FAT2: variants seen among roughly 807,000 people sequenced by gnomAD.
The protein encoded by FAT2 is FAT atypical cadherin 2.
Under a neutral mutation model 295.3 loss-of-function variants are expected in FAT2, and 150 were observed. The ratio of observed to expected loss-of-function variants is 0.51; its 90% confidence interval spans 0.44 to 0.58. FAT2 has a LOEUF of 0.58. Ranked by LOEUF, FAT2 falls within the 20% of genes least tolerant of loss-of-function variation. The pLI, the probability that FAT2 is intolerant of heterozygous loss-of-function variation, is 0.00. For missense variants in FAT2, 4,868 were observed against 5,442.7 expected, an observed-to-expected ratio of 0.89 and a Z score of 3.32; for synonymous variants, 2,026 against 2,150.3, an observed-to-expected ratio of 0.94 and a Z score of 1.60.
intron 1 of FAT2, among the ~76,000 whole-genome samples, chr5:151,581,909 C>T (rs114258823): frequency 0.017 from 2,571 of 152,312 alleles, 45 homozygotes; most frequent in East Asian, 0.05. Context: ...GTTTCATTTC[C>T]AGTCTTCCCT....
intron 9 of FAT2, among the ~76,000 whole-genome samples, chr5:151,548,770 C>G (rs557299305): frequency 6.6e-6 from 1 of 152,268 alleles, no homozygotes; most frequent in East Asian, 1.9e-4. Context: ...CGTGAGCCAC[C>G]GCATCTGGCC....
Position 151,539,696 on chromosome 5 carries a change from A to G in FAT2, c.9039+871T>C, listed in dbSNP as rs146047807. On this transcript the variant is annotated intron_variant, in intron 11 of 23. Transcript: ENST00000261800. ...AAGAATGTAAATCCTCCCAAAGTTA[A>G]AAACTACTTACTGTGTTTTAAAAAA... is the stretch of plus-strand genomic sequence containing the variant. 2.3e-3 allele frequency among the ~76,000 whole-genome samples: 358 copies of G among 152,354 alleles called. 2 individuals carry two copies. The highest frequency in any genetic ancestry group is 8.2e-3 in the African/African-American group (341 of 41,578).
At chr5:151,530,365 G>A (rs1199949819) in intron 14 of FAT2, among the ~76,000 whole-genome samples, 1 of 152,100 alleles carries the variant, frequency 6.6e-6, no homozygotes, top group Non-Finnish European at 1.5e-5. Context: ...ACCTGATCAA[G>A]GCCTTTGATC....
chr5:151,524,584 G>A (rs987652416), intron 18 of FAT2, among the ~76,000 whole-genome samples: 1 of 152,190 alleles, frequency 6.6e-6, no homozygotes, highest in African/African-American at 2.4e-5. Context: ...AGCCTATGGT[G>A]TTCTGTTGTA....
chr5:151,522,227 G>GAAAA, intron 18 of FAT2, 141 bp from the exon 19 acceptor site: 1 of 537,690 alleles, frequency 1.9e-6, no homozygotes, highest in South Asian at 3.6e-5. Flanking sequence ...GTTGCATTTA[G>GAAAA]AAAAAAAAAA....
In FAT2 at chr5:151,566,954, T is replaced by C. The variant is rs1252857832; in HGVS notation, c.1978A>G (p.Lys660Glu). 6.2e-7 allele frequency: 1 copy of C among 1,614,002 alleles called. No individual in the cohort carries two copies. The highest frequency in any genetic ancestry group is 8.5e-7 in the Non-Finnish European group (1 of 1,179,972). ...ACAGGAACTTCAAAATGAGGGTCCTTCACCACAGTAATATTCAAAGTTGTG... is the reference window on the plus strand; with the variant it reads ...ACAGGAACTTCAAAATGAGGGTCCTCCACCACAGTAATATTCAAAGTTGTG... ...SPTTLNITVV[K>E]DPHFEVPVTC... is the part of the protein sequence containing the mutation. Residue 660 changes from lysine to glutamate, a missense_variant, in exon 2 of 24, where the codon AAG (lysine) becomes GAG (glutamate). By Grantham distance (56) the Lys-to-Glu change is moderately conservative. This residue lies in a region of FAT2 where 3,297 missense variants were observed against 3,669.4 expected (regional missense o/e 0.90). Coordinates refer to ENST00000261800, the MANE Select transcript of FAT2 (RefSeq NM_001447.3).
chr5:151,519,837 C>T (rs1753258239), intron 19 of FAT2, among the ~76,000 whole-genome samples: 1 of 152,118 alleles, frequency 6.6e-6, no homozygotes, highest in Non-Finnish European at 1.5e-5. Context: ...AGCCCTTGCA[C>T]CTGCTGCTTC....
rs202023161 is a variant in FAT2, at chr5:151,563,462, A to G, written c.3437T>C (p.Ile1146Thr). The G allele has an allele frequency of 4.3e-5, 70 of 1,614,188 alleles. No homozygotes were observed. The highest frequency in any genetic ancestry group is 1.6e-4 in the Middle Eastern group (1 of 6,062). ...QMSQAVFYPS[I>T]QEDAPVGTSV... ...GGTGCCCACGGGAGCATCCTCCTGGATGGAGGGGTAGAACACAGCTTGGGA... is the reference window on the plus strand; with the variant it reads ...GGTGCCCACGGGAGCATCCTCCTGGGTGGAGGGGTAGAACACAGCTTGGGA... Residue 1146 changes from isoleucine to threonine, a missense_variant, in exon 3 of 24, where the codon ATC (isoleucine) becomes ACC (threonine). This residue lies in a region of FAT2 where 3,297 missense variants were observed against 3,669.4 expected (regional missense o/e 0.90). Coordinates refer to ENST00000261800, the MANE Select transcript of FAT2 (RefSeq NM_001447.3).
chr5:151,555,544 A>G (rs1222709079), intron 4 of FAT2, among the ~76,000 whole-genome samples: 2 of 151,096 alleles, frequency 1.3e-5, no homozygotes, highest in Admixed American at 1.3e-4. Context: ...TAATTTTTGT[A>G]TTTTTAGTAC....
At chr5:151,513,731 C>A (rs1752557886) in intron 20 of FAT2, among the ~76,000 whole-genome samples, 1 of 151,898 alleles carries the variant, frequency 6.6e-6, no homozygotes, top group Non-Finnish European at 1.5e-5. Flanking sequence ...GCATATGTAC[C>A]CCCGAAACTA....
intron 6 of FAT2, among the ~76,000 whole-genome samples, chr5:151,552,014 TAA>T (rs1445921582): frequency 1.3e-5 from 2 of 150,914 alleles, no homozygotes; most frequent in Admixed American, 6.6e-5. Flanking sequence ...TGTGTGTGTG[TAA>T]AGGAAAAATG....
At chr5:151,562,688 G>A (rs1431600913) in intron 3 of FAT2, among the ~76,000 whole-genome samples, 2 of 152,142 alleles carry the variant, frequency 1.3e-5, no homozygotes, top group Non-Finnish European at 2.9e-5. Context: ...TTTATGTGTT[G>A]GCTGCAACTT....
At position 151,543,819 on chromosome 5, in the gene FAT2, A is replaced by G. The variant is rs148045861; in HGVS notation, c.7308T>C (p.Ile2436=). ...HFFINSSSGI[I]SMFNLCKKHL... is the part of the protein sequence containing the mutation. ...GCTTTTTGCAAAGGTTGAACATAGA[A>G]ATTATTCCCGATGAGCTGTTAATGA... The change falls in exon 10 of 24, where the codon ATT becomes ATC. Residue 2436 remains isoleucine (I), a synonymous_variant. Transcript: ENST00000261800. 479 of 1,613,928 alleles carry G rather than the reference A, an allele frequency of 3.0e-4. No homozygotes were observed. The highest frequency in any genetic ancestry group is 3.9e-4 in the Non-Finnish European group (457 of 1,180,000).
chr5:151,558,334 G>A (rs529132159), intron 3 of FAT2, among the ~76,000 whole-genome samples: 7 of 152,168 alleles, frequency 4.6e-5, no homozygotes, highest in Middle Eastern at 3.4e-3. Context: ...GCAGCTTGTC[G>A]CCTGGGCACG....
Position 151,581,843 on chromosome 5 carries a change from A to G in FAT2, c.-21+9322T>C, listed in dbSNP as rs550201907. On this transcript the variant is annotated intron_variant, in intron 1 of 23. Transcript: ENST00000261800. ...GATCATATGATCCCTCCCCCATATC[A>G]GGGATCACATAACCTCAGATCCTCT... Among the ~76,000 whole-genome samples, 3 of 152,316 alleles carry G rather than the reference A, an allele frequency of 2.0e-5. No individual in the cohort carries two copies. The South Asian group carries it at 6.2e-4, about 32-fold the overall frequency.
rs920240271 is a variant in FAT2, at chr5:151,566,716, G to A, written c.2216C>T (p.Ala739Val). 92 of 1,614,038 alleles carry A rather than the reference G, an allele frequency of 5.7e-5. No homozygotes were observed. The highest frequency in any genetic ancestry group is 7.6e-5 in the Non-Finnish European group (90 of 1,180,028). The change falls in exon 2 of 24, where the codon GCC (alanine) becomes GTC (valine). Residue 739 changes from alanine to valine, a missense_variant. Coordinates refer to ENST00000261800, the MANE Select transcript of FAT2 (RefSeq NM_001447.3). The stretch of plus-strand genomic sequence containing the variant: ...ATTAAAACCAGCATCAGGGTCAGTG[G>A]CTGCTAGGCGGGCCAAGGGGGTGTT... ...PINTPLARLAATDPDAGFNGK... is the reference protein window; with the variant it reads ...PINTPLARLAVTDPDAGFNGK...
chr5:151,511,019 A>G (rs1249681672), intron 21 of FAT2: 1 of 152,294 alleles, frequency 6.6e-6, no homozygotes, highest in East Asian at 1.9e-4. Context: ...TCAGCAGAAG[A>G]GTGCCATGCA....
At chr5:151,553,911 T>A (rs1023570235) in intron 5 of FAT2, among the ~76,000 whole-genome samples, 30 of 152,340 alleles carry the variant, frequency 2.0e-4, no homozygotes, top group African/African-American at 6.7e-4. Context: ...TGGCTAGCAA[T>A]GAGACTGGGG....
chr5:151,551,976 G>GGGGTGT (rs1554131128), intron 6 of FAT2, among the ~76,000 whole-genome samples: 18 of 143,648 alleles, frequency 1.3e-4, no homozygotes, highest in East Asian at 6.0e-4. Flanking sequence ...TAACCCTAAG[G>GGGGTGT]GTGTGTGTGT....
Sources: gnomAD v4.1 joint callset for allele counts (sites outside exome capture counted in the v4.1 genomes callset) on GRCh38, gnomAD v4.1.1 for gene constraint, gnomAD v4.1.1 regional missense constraint, MANE v1.5 for transcripts, NCBI Gene and HGNC (gene_info 2026-07-23, HGNC 2026-07-21) for gene names.